CSE1L: variants seen among roughly 807,000 people sequenced by gnomAD.
CSE1L encodes chromosome segregation 1 like.
CSE1L carries 24 observed loss-of-function variants against 120.4 expected under a neutral mutation model. That is an observed-to-expected ratio of 0.20 (90% CI 0.14 to 0.28). The LOEUF (loss-of-function observed/expected upper bound fraction) is 0.28. Ranked by LOEUF, CSE1L falls within the 10% of genes least tolerant of loss-of-function variation. The probability of loss-of-function intolerance (pLI) is 1.00; values close to 1 mark genes in which losing one functional copy is unlikely to be tolerated. For missense variants in CSE1L, 830 were observed against 1,145.2 expected (o/e 0.72, Z 3.97); for synonymous variants, 402 against 398.3 (o/e 1.01, Z -0.11).
intron 2 of CSE1L, among the ~76,000 whole-genome samples, chr20:49,060,833 C>G (rs1388615509): frequency 6.6e-6 from 1 of 151,896 alleles, no homozygotes; most frequent in Non-Finnish European, 1.5e-5. Context: ...CCAGATATAT[C>G]TTGTGAGCAG....
In CSE1L at chr20:49,058,435, C is replaced by T; in HGVS notation, c.-11-18C>T. ...TTCCGTAAGTGACCAGTTATCCAAA[C>T]CTTATTTTATATTTTAGATCCTATA... On this transcript the variant is annotated intron_variant, in intron 1 of 24. Transcript: ENST00000262982. 1 of 1,547,906 alleles carries T rather than the reference C, an allele frequency of 6.5e-7. No individual in the cohort carries two copies. The highest frequency in any genetic ancestry group is 8.9e-7 in the Non-Finnish European group (1 of 1,129,804).
In CSE1L at chr20:49,059,455, C is replaced by T. The variant is rs1043812962; in HGVS notation, c.85+907C>T. ...GAGAATACATGCCCTGATTAAGTGG[C>T]AAGTACTTTTTGGAACTAGCTAATT... On this transcript the variant is annotated intron_variant, in intron 2 of 24. Coordinates refer to ENST00000262982, the MANE Select transcript of CSE1L (RefSeq NM_001316.4). 2.6e-5 allele frequency among the ~76,000 whole-genome samples: 4 copies of T among 152,070 alleles called. 1 individual carries two copies. The highest frequency in any genetic ancestry group is 1.5e-5 in the Non-Finnish European group (1 of 67,990).
At chr20:49,046,617 C>T (rs1600575699) in intron 1 of CSE1L, among the ~76,000 whole-genome samples, 194 bp downstream of exon 1, 1 of 152,218 alleles carries the variant, frequency 6.6e-6, no homozygotes, top group Non-Finnish European at 1.5e-5. Context: ...GCTTGCCGCG[C>T]CTCGCGGCAT....
In CSE1L at chr20:49,058,564, G is replaced by A. The variant is rs748306421; in HGVS notation, c.85+16G>A. Reference sequence around the variant, plus strand: ...CGACGTCCAGGTAAAGAAAATAAACGTTTTTTGGTTGATTAATTCCTTCAG... The same window carrying A: ...CGACGTCCAGGTAAAGAAAATAAACATTTTTTGGTTGATTAATTCCTTCAG... On this transcript the variant is annotated intron_variant, in intron 2 of 24. Transcript: ENST00000262982. 8 of 1,602,768 alleles carry A rather than the reference G, an allele frequency of 5.0e-6. No homozygotes were observed. The East Asian group carries it at 1.3e-4, about 27-fold the overall frequency.
chr20:49,085,489 A>G (rs1299091365), intron 16 of CSE1L, 103 bp downstream of exon 16: 2 of 627,794 alleles, frequency 3.2e-6, no homozygotes, highest in African/African-American at 1.9e-5. Context: ...TGAACCAGAT[A>G]ATGTTTACCA....
chr20:49,096,126 T>C, intron 24 of CSE1L: 1 of 686,072 alleles, frequency 1.5e-6, no homozygotes, highest in Non-Finnish European at 2.7e-6. Context: ...TTAACCACAA[T>C]ACCACTATCA....
At position 49,088,082 on chromosome 20, in the gene CSE1L, A is replaced by G; in HGVS notation, c.1797A>G (p.Thr599=). The change falls in exon 17 of 25, where the codon ACA becomes ACG. Residue 599 remains threonine, a synonymous_variant. Transcript: ENST00000262982. ...TCCCTACTCTCATCACTCAGCTTAC[A>G]CAGAAGCTATTAGCTGTTAGTAAGG... The part of the protein sequence containing the change: ...PYIPTLITQL[T]QKLLAVSKNP... The G allele has an allele frequency of 6.2e-7, 1 of 1,612,110 alleles. No homozygotes were observed. The highest frequency in any genetic ancestry group is 8.5e-7 in the Non-Finnish European group (1 of 1,178,876).
rs545334710 is a variant in CSE1L at position 49,063,236 on chromosome 20, G to T, written c.120G>T (p.Gln40His). The T allele has an allele frequency of 1.6e-5, 25 of 1,593,356 alleles. No homozygotes were observed. The highest frequency in any genetic ancestry group is 2.1e-5 in the Non-Finnish European group (25 of 1,173,478). ...EKFLESVEGN[Q>H]NYPLLLLTLL... ...TTCTTGAATCTGTTGAAGGAAATCA[G>T]AATTATCCACTGTTGCTTTTGACAT... Residue 40 changes from glutamine (Q) to histidine (H), a missense_variant, in exon 3 of 25, where the codon CAG becomes CAT. Physicochemically the swap from Gln to His is conservative, Grantham distance 24. Transcript: ENST00000262982.
At chr20:49,063,369 T>C in intron 3 of CSE1L, 25 bp downstream of exon 3, 1 of 1,382,340 alleles carries the variant, frequency 7.2e-7, no homozygotes, top group Non-Finnish European at 9.9e-7. Context: ...AATACATAAT[T>C]TAATACCCTG....
chr20:49,068,783 G>C lies in CSE1L; in HGVS notation c.636G>C (p.Leu212=), dbSNP rs2227946. 0.22 allele frequency: 358,682 copies of C among 1,610,788 alleles called. 42,305 individuals carry two copies. The highest frequency in any genetic ancestry group is 0.24 in the Non-Finnish European group (287,137 of 1,177,196). ...CCCTGAGGATTCTGTTTTCTTCCCT[G>C]ATCCTGATCTCAAAATTGTTCTATA... The part of the protein sequence containing the change: ...ASALRILFSS[L]ILISKLFYSL... The change falls in exon 7 of 25, where the codon CTG becomes CTC. Residue 212 remains leucine (L), a synonymous_variant. Coordinates refer to ENST00000262982, the MANE Select transcript of CSE1L (RefSeq NM_001316.4).
chr20:49,049,075 A>G (rs10485609), intron 1 of CSE1L, among the ~76,000 whole-genome samples: 33,018 of 152,118 alleles, frequency 0.22, 3,720 homozygotes, highest in Non-Finnish European at 0.24. Flanking sequence ...AGAACTTGGA[A>G]ATTTAGATGT....
intron 24 of CSE1L, among the ~76,000 whole-genome samples, chr20:49,095,739 T>TA (rs1167271826): frequency 6.6e-6 from 1 of 152,166 alleles, no homozygotes; most frequent in African/African-American, 2.4e-5. Context: ...AAAATATATA[T>TA]TTTTCAAGCC....
chr20:49,063,424 C>A, intron 3 of CSE1L, 80 bp downstream of exon 3: 1 of 972,318 alleles, frequency 1.0e-6, no homozygotes, highest in Non-Finnish European at 1.4e-6. Flanking sequence ...AAAGATAAGG[C>A]ACGTGCTTGT....
In CSE1L at chr20:49,053,347, C is replaced by CTTT. The variant is rs11419181; in HGVS notation, c.-11-5080_-11-5078dup. ...ATTTAACTTGACCACAGCAAACTAA[C>CTTT]TTTTTTTTTTTTTTTTTTTTTTTTT... is the stretch of plus-strand genomic sequence containing the variant. On this transcript the variant is annotated intron_variant, in intron 1 of 24. Coordinates refer to ENST00000262982, the MANE Select transcript of CSE1L (RefSeq NM_001316.4). 3.1e-3 allele frequency among the ~76,000 whole-genome samples: 198 copies of CTTT among 63,782 alleles called. 14 individuals carry two copies. The highest frequency in any genetic ancestry group is 9.8e-3 in the Middle Eastern group (1 of 102). 41.8% of individuals were successfully genotyped at this position (63,782 alleles called of 152,430 possible).
intron 2 of CSE1L, among the ~76,000 whole-genome samples, chr20:49,062,835 C>T (rs1189934822): frequency 1.3e-5 from 2 of 151,724 alleles, no homozygotes; most frequent in East Asian, 3.8e-4. Context: ...AGAAATATTA[C>T]TACTAATAGT....
intron 3 of CSE1L, among the ~76,000 whole-genome samples, chr20:49,065,003 T>C (rs1355059468): frequency 6.6e-6 from 1 of 151,080 alleles, no homozygotes; most frequent in East Asian, 1.9e-4. Context: ...CAAAAAAATT[T>C]AAAATTAGCC....
intron 6 of CSE1L, among the ~76,000 whole-genome samples, chr20:49,067,919 TC>T (rs11086278): frequency 0.35 from 47,438 of 133,732 alleles, 9,556 homozygotes; most frequent in African/African-American, 0.52. Flanking sequence ...TCTTTTTTTT[TC>T]CCTCTCTCTT....
chr20:49,071,739 TC>T (rs1301737724), intron 8 of CSE1L, among the ~76,000 whole-genome samples: 1 of 151,652 alleles, frequency 6.6e-6, no homozygotes, highest in Non-Finnish European at 1.5e-5. Context: ...ACGCCTATAA[TC>T]CCAGCACTTT....
chr20:49,074,152 A>C (rs955022282), intron 10 of CSE1L, among the ~76,000 whole-genome samples: 1 of 145,256 alleles, frequency 6.9e-6, no homozygotes, highest in Non-Finnish European at 1.5e-5. Context: ...TGGAGGCTGC[A>C]GTGAGACATG....
Sources: gnomAD v4.1 joint callset for allele counts (sites outside exome capture counted in the v4.1 genomes callset) on GRCh38, gnomAD v4.1.1 for gene constraint, MANE v1.5 for transcripts, NCBI Gene and HGNC (gene_info 2026-07-23, HGNC 2026-07-21) for gene names.